The following CCAR2 variants were observed in gnomAD, a reference collection of about 807,000 sequenced individuals.
CCAR2 encodes cell cycle and apoptosis regulator protein 2.
Under a neutral mutation model 108.1 loss-of-function variants are expected in CCAR2, and 21 were observed. That is an observed-to-expected ratio of 0.19 (90% CI 0.14 to 0.28). The LOEUF (loss-of-function observed/expected upper bound fraction) is 0.28, where lower values mean the gene tolerates loss of function less well. CCAR2 is among the 10% of genes least tolerant of loss of function. The pLI is 1.00. For missense variants in CCAR2, 1,126 were observed against 1,177.0 expected (o/e 0.96, Z 0.63); for synonymous variants, 577 against 472.8 (o/e 1.22, Z -2.86).
rs200712248 is a variant in CCAR2, at chr8:22,620,147, C to A, written c.*465C>A. ...GGATGGCACAGGCTCTGCTAGGTTC[C>A]GGACACAGGCTTCTGGGGGAAGGGT... On this transcript the variant is annotated 3_prime_UTR_variant, in exon 21 of 21. Transcript: ENST00000308511. The A allele has an allele frequency of 1.8e-5, 3 of 164,550 alleles. No homozygotes were observed. The highest frequency in any genetic ancestry group is 7.2e-5 in the African/African-American group (3 of 41,862). 10.2% of individuals were successfully genotyped at this position (164,550 alleles called of 1,614,324 possible).
chr8:22,616,036 C>T lies in CCAR2; in HGVS notation c.1633C>T (p.Leu545=). The T allele has an allele frequency of 1.2e-6, 2 of 1,614,084 alleles. No individual in the cohort carries two copies. Among genetic ancestry groups the T allele is most frequent in the Non-Finnish European group, 1.7e-6 (2 of 1,180,030 alleles). ...GGTGATGGTGCTGGCCGAGCTGTTT[C>T]TGGAGATGCTCCAGAGGGATTTTGG... ...FEVMVLAELF[L]EMLQRDFGYR... Residue 545 remains leucine (L), a synonymous_variant, in exon 14 of 21, where the codon CTG becomes TTG. Transcript: ENST00000308511.
At chr8:22,617,636 C>T in intron 15 of CCAR2, 60 bp from the exon 16 acceptor site, 1 of 1,612,792 alleles carries the variant, frequency 6.2e-7, no homozygotes, top group Non-Finnish European at 8.5e-7. Flanking sequence ...AGCTGGTTTT[C>T]ATTTTTGTAC....
Position 22,614,291 on chromosome 8 carries a change from A to C in CCAR2, c.904A>C (p.Ser302Arg). The change falls in exon 9 of 21, where the codon AGT becomes CGT. Residue 302 changes from serine (S) to arginine (R), a missense_variant. Ser to Arg is a moderately radical substitution (Grantham distance 110). Around this residue, in one of 4 missense-constraint regions of CCAR2, gnomAD observed 1,013 missense variants for 993.9 expected, o/e 1.02. Coordinates refer to ENST00000308511, the MANE Select transcript of CCAR2 (RefSeq NM_001393997.1). ...DAGAEPITADSDPAYSSKVLL... is the reference protein window; with the variant it reads ...DAGAEPITADRDPAYSSKVLL... ...TGGTGCTGAGCCCATCACTGCAGACAGTGACCCCGCTTATAGTTCGAAGGT... is the reference window on the plus strand; with the variant it reads ...TGGTGCTGAGCCCATCACTGCAGACCGTGACCCCGCTTATAGTTCGAAGGT... 3.1e-6 allele frequency: 5 copies of C among 1,614,098 alleles called. No homozygotes were observed. Among genetic ancestry groups the C allele is most frequent in the Non-Finnish European group, 4.2e-6 (5 of 1,180,018 alleles).
At position 22,619,364 on chromosome 8, in the gene CCAR2, G is replaced by C; in HGVS notation, c.2727+9G>C. ...AGCGGGTGGTGGAAAAGGTAAGGTGGGGGTGGACCAGGAGGCAGCACAGCT... is the reference window on the plus strand; with the variant it reads ...AGCGGGTGGTGGAAAAGGTAAGGTGCGGGTGGACCAGGAGGCAGCACAGCT... On this transcript the variant is annotated intron_variant, in intron 20 of 20. Transcript: ENST00000308511. 2.6e-6 allele frequency: 4 copies of C among 1,554,446 alleles called. No individual in the cohort carries two copies. Among genetic ancestry groups the C allele is most frequent in the Non-Finnish European group, 3.5e-6 (4 of 1,149,942 alleles).
intron 7 of CCAR2, among the ~76,000 whole-genome samples, chr8:22,608,322 A>T (rs1256724517): frequency 6.6e-6 from 1 of 152,184 alleles, no homozygotes; most frequent in African/African-American, 2.4e-5. Flanking sequence ...GATACAGTTC[A>T]TCTTTCAAAA....
In CCAR2 at chr8:22,616,162, G is replaced by A. The variant is rs1320165705; in HGVS notation, c.1759G>A (p.Glu587Lys). 1 of 1,614,030 alleles carries A rather than the reference G, an allele frequency of 6.2e-7. No homozygotes were observed. Among genetic ancestry groups the A allele is most frequent in the East Asian group, 2.2e-5 (1 of 44,874 alleles). ...EAAKEEATKE[E>K]EAIKEEVVKE... is the part of the protein sequence containing the mutation. ...GGCCAAGGAAGAAGCCACCAAGGAGGAAGAAGCCATCAAAGAGGAGGTGGT... is the reference window on the plus strand; with the variant it reads ...GGCCAAGGAAGAAGCCACCAAGGAGAAAGAAGCCATCAAAGAGGAGGTGGT... The change falls in exon 14 of 21, where the codon GAA (glutamate) becomes AAA (lysine). Residue 587 changes from glutamate (E) to lysine (K), a missense_variant. Glu to Lys is a moderately conservative substitution (Grantham distance 56). Around this residue, in one of 4 missense-constraint regions of CCAR2, gnomAD observed 1,013 missense variants for 993.9 expected, o/e 1.02. Coordinates refer to ENST00000308511, the MANE Select transcript of CCAR2 (RefSeq NM_001393997.1).
In CCAR2 at chr8:22,619,879, C is replaced by G; in HGVS notation, c.*197C>G. ...ATGTGGGATGGATGTGTGAGGAACC[C>G]CGGTTCCACTTAACAACTAAATACA... On this transcript the variant is annotated 3_prime_UTR_variant, in exon 21 of 21. Coordinates refer to ENST00000308511, the MANE Select transcript of CCAR2 (RefSeq NM_001393997.1). 1.7e-6 allele frequency: 1 copy of G among 599,088 alleles called. No individual in the cohort carries two copies. The highest frequency in any genetic ancestry group is 3.0e-6 in the Non-Finnish European group (1 of 336,474). The allele number at this position is 599,088 out of a possible 1,614,324, so 37.1% of individuals were successfully genotyped here.
intron 7 of CCAR2, chr8:22,612,689 T>C (rs567185208): frequency 4.2e-5 from 8 of 188,774 alleles, no homozygotes; most frequent in South Asian, 1.9e-4. Flanking sequence ...TGCAGAAAAA[T>C]AGAAAATTAT....
intron 8 of CCAR2, 136 bp from the exon 9 acceptor site, chr8:22,613,956 G>T (rs1481491297): frequency 2.9e-6 from 2 of 690,720 alleles, no homozygotes; most frequent in African/African-American, 3.6e-5. Flanking sequence ...ATCTGATCTA[G>T]CTTCCTTGAG....
chr8:22,619,815 C>T lies in CCAR2; in HGVS notation c.*133C>T, dbSNP rs200281456. The T allele has an allele frequency of 9.8e-6, 9 of 916,378 alleles. No individual in the cohort carries two copies. The highest frequency in any genetic ancestry group is 5.3e-5 in the East Asian group (2 of 37,824). The allele number at this position is 916,378 out of a possible 1,614,324, so 56.8% of individuals were successfully genotyped here. On this transcript the variant is annotated 3_prime_UTR_variant, in exon 21 of 21. Transcript: ENST00000308511. ...AGGGGTGGCTGACCCCATGCTCAGC[C>T]TCTAGGGGACGGCAGGCCATCAGGC...
Position 22,616,431 on chromosome 8 carries a change from G to C in CCAR2, c.1845+183G>C, listed in dbSNP as rs1801511637. ...GCAAGGGAAGGTGGCGCAGAGTGCA[G>C]GGAGCATGGCTGAGCAGCCTGACAG... On this transcript the variant is annotated intron_variant, in intron 14 of 20. Coordinates refer to ENST00000308511, the MANE Select transcript of CCAR2 (RefSeq NM_001393997.1). 3 of 623,060 alleles carry C rather than the reference G, an allele frequency of 4.8e-6. No individual in the cohort carries two copies. The South Asian group carries it at 5.8e-5, about 12-fold the overall frequency. The allele number at this position is 623,060 out of a possible 1,614,324, so 38.6% of individuals were successfully genotyped here. A position where few individuals can be genotyped will look rare whatever the true frequency, so the allele number is the denominator to read the frequency against.
intron 6 of CCAR2, 56 bp from the exon 7 acceptor site, chr8:22,607,913 A>G (rs1169223617): frequency 1.1e-5 from 16 of 1,410,310 alleles, no homozygotes; most frequent in African/African-American, 4.2e-5. Flanking sequence ...GGTGTGAGCT[A>G]TTGCACCCGG....
chr8:22,618,166 C>T (rs1056348074), intron 16 of CCAR2, 183 bp from the exon 17 acceptor site: 21 of 727,706 alleles, frequency 2.9e-5, no homozygotes, highest in Non-Finnish European at 3.9e-5. Flanking sequence ...ATATAGTGCA[C>T]TGCAGCCTCG....
At chr8:22,615,986 C>A in intron 13 of CCAR2, 26 bp from the exon 14 acceptor site, 1 of 1,613,234 alleles carries the variant, frequency 6.2e-7, no homozygotes, top group Non-Finnish European at 8.5e-7. Context: ...TCCTGATGCT[C>A]ATGGACCCTC....
intron 6 of CCAR2, 142 bp downstream of exon 6, chr8:22,607,467 GT>G (rs34256757): frequency 0.12 from 49,640 of 401,278 alleles, 9 homozygotes; most frequent in South Asian, 0.15. Context: ...GGTGTTTAGG[GT>G]TTTTTTTTTT....
intron 17 of CCAR2, 39 bp downstream of exon 17, chr8:22,618,534 C>T (rs1324110527): frequency 2.5e-6 from 4 of 1,613,992 alleles, no homozygotes; most frequent in Non-Finnish European, 3.4e-6. Context: ...GGGCACAGGC[C>T]TGCACTTACT....
At chr8:22,619,540 G>A (rs559827325) in intron 20 of CCAR2, 98 bp from the exon 21 acceptor site, 24 of 1,445,582 alleles carry the variant, frequency 1.7e-5, no homozygotes, top group Admixed American at 3.9e-5. Flanking sequence ...AGTCAGCAGC[G>A]TGCAGTGGGA....
chr8:22,614,180 T>G lies in CCAR2; in HGVS notation c.793T>G (p.Ser265Ala). 1 of 1,614,094 alleles carries G rather than the reference T, an allele frequency of 6.2e-7. No homozygotes were observed. The highest frequency in any genetic ancestry group is 8.5e-7 in the Non-Finnish European group (1 of 1,180,038). Residue 265 changes from serine to alanine, a missense_variant, in exon 9 of 21, where the codon TCA becomes GCA. Physicochemically the swap from Ser to Ala is moderately conservative, Grantham distance 99 (BLOSUM62 1). Coordinates refer to ENST00000308511, the MANE Select transcript of CCAR2 (RefSeq NM_001393997.1). The part of the protein sequence containing the change: ...DFLSVHLSWL[S>A]AFPLSQPFSL... Reference sequence around the variant, plus strand: ...TCTGTCCGTGCATCTGAGTTGGCTATCAGCCTTCCCCCTGAGCCAGCCCTT... The same window carrying G: ...TCTGTCCGTGCATCTGAGTTGGCTAGCAGCCTTCCCCCTGAGCCAGCCCTT...
intron 7 of CCAR2, among the ~76,000 whole-genome samples, chr8:22,608,994 A>C (rs1378960751): frequency 6.6e-6 from 1 of 152,144 alleles, no homozygotes; most frequent in African/African-American, 2.4e-5. Context: ...TGAAATGCAC[A>C]AATCTTGACA....
Sources: allele counts gnomAD v4.1 joint callset (sites outside exome capture counted in the v4.1 genomes callset), GRCh38; gene constraint gnomAD v4.1.1; regional missense constraint gnomAD v4.1.1; transcripts MANE v1.5; gene names NCBI Gene and HGNC (gene_info 2026-07-23, HGNC 2026-07-21).